B4GALT6: variants seen among roughly 807,000 people sequenced by gnomAD.
B4GALT6 encodes the protein beta-1,4-galactosyltransferase 6.
In B4GALT6, 14 loss-of-function variants were observed where a neutral mutation model predicts 46.3. The ratio of observed to expected loss-of-function variants is 0.30; its 90% CI spans 0.20 to 0.47. The LOEUF is 0.47. B4GALT6 is among the 20% of genes least tolerant of loss of function. The pLI, the probability that B4GALT6 is intolerant of heterozygous loss-of-function variation, is 0.99. For missense variants in B4GALT6, 386 were observed against 480.1 expected (o/e 0.80, Z 1.83); for synonymous variants, 168 against 162.0 (o/e 1.04, Z -0.28).
chr18:31,635,674 C>T (rs1307489325), intron 5 of B4GALT6, among the ~76,000 whole-genome samples: 1 of 152,032 alleles, frequency 6.6e-6, no homozygotes, highest in African/African-American at 2.4e-5. Context: ...AAAAATAAGC[C>T]AGGCATGATG....
intron 3 of B4GALT6, among the ~76,000 whole-genome samples, chr18:31,656,432 C>G (rs1314027562): frequency 2.0e-5 from 3 of 151,712 alleles, no homozygotes; most frequent in African/African-American, 7.3e-5. Flanking sequence ...CAAAAAAAAG[C>G]TAAAATAATA....
upstream of B4GALT6, among the ~76,000 whole-genome samples, chr18:31,689,882 G>A (rs1180545778): frequency 6.6e-6 from 1 of 151,978 alleles, no homozygotes; most frequent in Non-Finnish European, 1.5e-5. Flanking sequence ...ATACCAGCTG[G>A]GCAACTCAAC....
the B4GALT6 span, among the ~76,000 whole-genome samples, chr18:31,719,968 A>G: frequency 6.6e-6 from 1 of 152,246 alleles, no homozygotes; most frequent in Admixed American, 6.5e-5. Context: ...CAGAGGCTGC[A>G]TGACTCCTAA....
At chr18:31,678,847 A>G (rs1422886452) in intron 1 of B4GALT6, among the ~76,000 whole-genome samples, 3 of 152,190 alleles carry the variant, frequency 2.0e-5, no homozygotes, top group African/African-American at 7.2e-5. Flanking sequence ...AAGGGCTCTG[A>G]GGGTGAGAGG....
chr18:31,689,863 G>A (rs1292142994), upstream of B4GALT6, among the ~76,000 whole-genome samples: 4 of 152,136 alleles, frequency 2.6e-5, no homozygotes, highest in South Asian at 4.1e-4. Flanking sequence ...GGCACCTTAG[G>A]TATTGTGCAT....
intron 2 of B4GALT6, among the ~76,000 whole-genome samples, chr18:31,666,028 A>T (rs2074278372): frequency 6.6e-6 from 1 of 152,222 alleles, no homozygotes; most frequent in South Asian, 2.1e-4. Context: ...TGTTTACAAG[A>T]ATTAACTTAA....
At chr18:31,658,722 C>T (rs906571648) in intron 2 of B4GALT6, among the ~76,000 whole-genome samples, 2 of 152,172 alleles carry the variant, frequency 1.3e-5, no homozygotes, top group Non-Finnish European at 2.9e-5. Flanking sequence ...GAGTTCAAAT[C>T]CTTGCTCCAA....
chr18:31,652,023 G>A (rs2074076919), intron 3 of B4GALT6, among the ~76,000 whole-genome samples: 1 of 152,056 alleles, frequency 6.6e-6, no homozygotes, highest in Admixed American at 6.5e-5. Context: ...GCCCGCCTCG[G>A]CCTCTCAAAG....
the B4GALT6 span, among the ~76,000 whole-genome samples, chr18:31,715,584 C>G: frequency 4.2e-5 from 4 of 94,630 alleles, no homozygotes; most frequent in Non-Finnish European, 7.5e-5. Flanking sequence ...GAGTTTCGCT[C>G]TTGTTGCCCA....
At chr18:31,645,773 T>G (rs935683934) in intron 3 of B4GALT6, among the ~76,000 whole-genome samples, 1 of 152,232 alleles carries the variant, frequency 6.6e-6, no homozygotes, top group African/African-American at 2.4e-5. Flanking sequence ...TGGAAAATGT[T>G]TGCATGTCAT....
the B4GALT6 span, among the ~76,000 whole-genome samples, chr18:31,708,206 T>C: frequency 6.6e-6 from 1 of 152,220 alleles, no homozygotes; most frequent in African/African-American, 2.4e-5. Context: ...ACACCAAATT[T>C]TGAGAACTAC....
At chr18:31,717,951 T>C in the B4GALT6 span, among the ~76,000 whole-genome samples, 3 of 72,142 alleles carry the variant, frequency 4.2e-5, no homozygotes, top group Admixed American at 1.5e-4. Context: ...CGAAACTCCG[T>C]CTCAAAAAAA....
At chr18:31,685,537 G>T (rs1447103055), upstream of B4GALT6, 1 of 150,736 alleles carries the variant, frequency 6.6e-6, no homozygotes, top group Non-Finnish European at 1.5e-5. Flanking sequence ...CCGAAACACC[G>T]CGCGTCCTGA....
rs2073627811 is a variant in B4GALT6 at position 31,622,435 on chromosome 18, C to G, written c.*3179G>C. 1 of 151,978 alleles carries G rather than the reference C, an allele frequency of 6.6e-6. No individual in the cohort carries two copies. The allele number at this position is 151,978 out of a possible 1,614,324, so 9.4% of individuals were successfully genotyped here. On this transcript the variant is annotated 3_prime_UTR_variant, in exon 9 of 9. Transcript: ENST00000306851. ...CTCTTTCTGATAAACAATACTATAA[C>G]CATTTTAGTTCTCTCAACCGGCATA...
the B4GALT6 span, among the ~76,000 whole-genome samples, chr18:31,708,672 T>C: frequency 2.0e-5 from 3 of 152,224 alleles, no homozygotes; most frequent in African/African-American, 7.2e-5. Flanking sequence ...ATTATATTTT[T>C]CTCTCTTCCC....
chr18:31,665,279 C>T (rs909127741), intron 2 of B4GALT6, among the ~76,000 whole-genome samples: 15 of 152,164 alleles, frequency 9.9e-5, no homozygotes, highest in African/African-American at 3.6e-4. Flanking sequence ...CTAATAATAC[C>T]CTGGCAGACA....
intron 3 of B4GALT6, among the ~76,000 whole-genome samples, chr18:31,648,247 G>A (rs1252767452): frequency 6.6e-6 from 1 of 152,164 alleles, no homozygotes; most frequent in African/African-American, 2.4e-5. Context: ...GGCACAAGTG[G>A]TTTCTTTCCC....
At chr18:31,724,323 A>T in the B4GALT6 span, 2 of 584,542 alleles carry the variant, frequency 3.4e-6, no homozygotes, top group Non-Finnish European at 5.1e-6. Flanking sequence ...TATTGTGGCT[A>T]CTAGTCCAGG....
the B4GALT6 span, among the ~76,000 whole-genome samples, chr18:31,693,537 T>C: frequency 6.6e-6 from 1 of 152,138 alleles, no homozygotes; most frequent in Non-Finnish European, 1.5e-5. Context: ...CATGAGATCA[T>C]ATAATAATAA....
Sources: allele counts gnomAD v4.1 joint callset (sites outside exome capture counted in the v4.1 genomes callset), GRCh38; gene constraint gnomAD v4.1.1; transcripts MANE v1.5; gene names NCBI Gene and HGNC (gene_info 2026-07-23, HGNC 2026-07-21).